The following WWP2 variants were observed in gnomAD, a reference collection of about 807,000 sequenced individuals.
The protein encoded by WWP2 is NEDD4-like E3 ubiquitin-protein ligase WWP2.
Under a neutral mutation model 121.0 loss-of-function variants are expected in WWP2, and 57 were observed. The ratio of observed to expected loss-of-function variants is 0.47; its 90% CI spans 0.38 to 0.59. WWP2 has a LOEUF of 0.59. Among genes scored for constraint, WWP2 ranks in the 20% least tolerant of loss-of-function variants. The probability of loss-of-function intolerance (pLI) is 0.00; values close to 1 mark genes in which losing one functional copy is unlikely to be tolerated. For synonymous variants in WWP2, 449 were observed against 441.3 expected (o/e 1.02, Z -0.22); for missense variants, 962 against 1,158.9 (o/e 0.83, Z 2.47).
chr16:69,859,220 A>G (rs77004987), intron 6 of WWP2, among the ~76,000 whole-genome samples: 3,847 of 152,288 alleles, frequency 0.025, 143 homozygotes, highest in African/African-American at 0.086. Flanking sequence ...TGGCAGGACA[A>G]CATTCTTATC....
At chr16:69,797,611 A>G (rs1235828944) in intron 2 of WWP2, among the ~76,000 whole-genome samples, 2 of 152,178 alleles carry the variant, frequency 1.3e-5, no homozygotes, top group Non-Finnish European at 1.5e-5. Flanking sequence ...TAAATTGGCC[A>G]GGTGCGGTGG....
At chr16:69,781,645 C>T (rs1406153014) in intron 1 of WWP2, among the ~76,000 whole-genome samples, 1 of 152,102 alleles carries the variant, frequency 6.6e-6, no homozygotes, top group Non-Finnish European at 1.5e-5. Flanking sequence ...CTGGCTTTTA[C>T]TCTGAGTTAG....
rs1209206966 is a variant in WWP2 at position 69,840,019 on chromosome 16, A to AT, written c.341-105dup. ...CAAAATGTGAAGATGTGGAGAAAGC[A>AT]TTCCCAGAGAAGCCAGCAAAGGTGA... is the stretch of plus-strand genomic sequence containing the variant. On this transcript the variant is annotated intron_variant, in intron 4 of 23. Transcript: ENST00000359154. The AT allele has an allele frequency of 2.0e-5, 30 of 1,494,986 alleles. No individual in the cohort carries two copies. The Admixed American group carries it at 5.6e-4, about 28-fold the overall frequency. The allele number at this position is 1,494,986 out of a possible 1,614,324, so 92.6% of individuals were successfully genotyped here.
At chr16:69,827,884 A>G (rs1044470462) in intron 4 of WWP2, 1 of 455,842 alleles carries the variant, frequency 2.2e-6, no homozygotes, top group Non-Finnish European at 4.4e-6. Context: ...ATCTGTATTT[A>G]TTTCCCCAGG....
chr16:69,870,355 C>T (rs2057612231), intron 6 of WWP2, among the ~76,000 whole-genome samples: 1 of 145,096 alleles, frequency 6.9e-6, no homozygotes, highest in African/African-American at 2.6e-5. Context: ...GGCTGGAATA[C>T]AGTGACGTGA....
intron 7 of WWP2, among the ~76,000 whole-genome samples, chr16:69,881,724 C>T (rs1386791755): frequency 6.6e-6 from 1 of 152,236 alleles, no homozygotes; most frequent in Non-Finnish European, 1.5e-5. Flanking sequence ...TAGAGCCTCA[C>T]TCTGTCACCC....
chr16:69,928,078 G>A (rs1236039652), intron 11 of WWP2, among the ~76,000 whole-genome samples: 1 of 152,218 alleles, frequency 6.6e-6, no homozygotes, highest in African/African-American at 2.4e-5. Context: ...GGCAGAGAGT[G>A]GGAGGGAGAC....
chr16:69,840,901 C>T (rs2056965684), intron 5 of WWP2, among the ~76,000 whole-genome samples: 1 of 152,156 alleles, frequency 6.6e-6, no homozygotes, highest in Admixed American at 6.5e-5. Context: ...AGACACCAAG[C>T]AGGATTTCTG....
At chr16:69,929,624 G>A in intron 12 of WWP2, 95 bp downstream of exon 12, 1 of 1,096,724 alleles carries the variant, frequency 9.1e-7, no homozygotes, top group Non-Finnish European at 1.4e-6. Context: ...CGTCCCAGAG[G>A]GCTGATGTCA....
At chr16:69,878,046 G>T (rs1273076566) in intron 7 of WWP2, among the ~76,000 whole-genome samples, 2 of 152,076 alleles carry the variant, frequency 1.3e-5, no homozygotes, top group Non-Finnish European at 2.9e-5. Context: ...GACCTCAGGT[G>T]ATCCACCCGC....
intron 4 of WWP2, among the ~76,000 whole-genome samples, chr16:69,826,291 G>C (rs2056687515): frequency 6.6e-6 from 1 of 151,470 alleles, no homozygotes; most frequent in African/African-American, 2.4e-5. Context: ...AAGTAGACCA[G>C]GCGCAGTGGC....
At chr16:69,875,834 A>C (rs117888798) in intron 7 of WWP2, among the ~76,000 whole-genome samples, 7 of 152,328 alleles carry the variant, frequency 4.6e-5, no homozygotes, top group African/African-American at 1.4e-4. Context: ...AGAGCCATCT[A>C]TCAGGGTTTG....
At chr16:69,775,395 T>C (rs2055503661) in intron 1 of WWP2, among the ~76,000 whole-genome samples, 1 of 152,194 alleles carries the variant, frequency 6.6e-6, no homozygotes, top group African/African-American at 2.4e-5. Context: ...AGGTGTCATG[T>C]TTTGGGGTAA....
intron 15 of WWP2, 109 bp downstream of exon 15, chr16:69,931,689 A>G (rs2291961): frequency 0.76 from 1,190,004 of 1,567,654 alleles, 454,880 homozygotes; most frequent in East Asian, 0.96. Flanking sequence ...CCAGGGCGTG[A>G]GTCTTGGTGA....
In WWP2 at chr16:69,878,084, A is replaced by G. The variant is rs574066925; in HGVS notation, c.703+6153A>G. On this transcript the variant is annotated intron_variant, in intron 7 of 23. Coordinates refer to ENST00000359154, the MANE Select transcript of WWP2 (RefSeq NM_001270454.2). ...CAGCCTCCCAAAGTGTTGGGATTAC[A>G]GGTGTGAGCCACCGTGCCCAGCCCA... Among the ~76,000 whole-genome samples the G allele has an allele frequency of 1.2e-4, 19 of 152,286 alleles. No individual in the cohort carries two copies. The South Asian group carries it at 3.9e-3, about 32-fold the overall frequency.
At chr16:69,785,468 G>A (rs1441180949) in intron 1 of WWP2, among the ~76,000 whole-genome samples, 1 of 152,064 alleles carries the variant, frequency 6.6e-6, no homozygotes, top group Non-Finnish European at 1.5e-5. Context: ...TCAACATTTG[G>A]AAAATCTGCA....
At chr16:69,924,609 T>G (rs2151981014) in intron 10 of WWP2, among the ~76,000 whole-genome samples, 1 of 151,914 alleles carries the variant, frequency 6.6e-6, no homozygotes, top group African/African-American at 2.4e-5. Flanking sequence ...GATTCTAATG[T>G]AAACAGTGAC....
chr16:69,895,858 C>T lies in WWP2; in HGVS notation c.914+7609C>T, dbSNP rs375722438. ...GGGCTGTGGACCATTCTTTGAGTAG[C>T]ATCAGATTAAAGGATTACACTGAGC... On this transcript the variant is annotated intron_variant, in intron 8 of 23. Coordinates refer to ENST00000359154, the MANE Select transcript of WWP2 (RefSeq NM_001270454.2). 2.0e-3 allele frequency among the ~76,000 whole-genome samples: 299 copies of T among 152,304 alleles called. 3 individuals are homozygous for T. Among genetic ancestry groups the T allele is most frequent in the African/African-American group, 6.5e-3 (270 of 41,562 alleles).
In WWP2 at chr16:69,908,844, C is replaced by T; in HGVS notation, c.998C>T (p.Pro333Leu). 1.2e-6 allele frequency: 2 copies of T among 1,614,226 alleles called. No individual in the cohort carries two copies. Among genetic ancestry groups the T allele is most frequent in the Non-Finnish European group, 1.7e-6 (2 of 1,180,032 alleles). Residue 333 changes from proline (P) to leucine (L), a missense_variant, in exon 9 of 24, where the codon CCT becomes CTT. Physicochemically the swap from Pro to Leu is moderately conservative, Grantham distance 98 (BLOSUM62 -3). Coordinates refer to ENST00000359154, the MANE Select transcript of WWP2 (RefSeq NM_001270454.2). ...ACCACCACCTGGGAGCGGCCCCTTC[C>T]TCCAGGGTAGGTCATCAACTGAGAA... ...TKTTTWERPL[P>L]PGWEKRTDPR...
Sources: allele counts gnomAD v4.1 joint callset (sites outside exome capture counted in the v4.1 genomes callset), GRCh38; gene constraint gnomAD v4.1.1; transcripts MANE v1.5; gene names NCBI Gene and HGNC (gene_info 2026-07-23, HGNC 2026-07-21).